Variants in SLC4A4 observed in about 807,000 individuals in gnomAD.
The protein encoded by SLC4A4 is electrogenic sodium bicarbonate cotransporter 1.
Under a neutral mutation model 111.5 loss-of-function variants are expected in SLC4A4, and 27 were observed. That is an observed-to-expected ratio of 0.24 (90% CI 0.18 to 0.33). SLC4A4 has a LOEUF of 0.33. Among genes scored for constraint, SLC4A4 ranks in the 10% least tolerant of loss-of-function variants. The pLI is 1.00. For synonymous variants in SLC4A4, 443 were observed against 463.4 expected (o/e 0.96, Z 0.57); for missense variants, 909 against 1,315.5 (o/e 0.69, Z 4.78).
chr4:71,434,845 C>G (rs1464997327), intron 7 of SLC4A4, among the ~76,000 whole-genome samples: 1 of 151,896 alleles, frequency 6.6e-6, no homozygotes, highest in Admixed American at 6.6e-5. Context: ...ATAAAATACC[C>G]AGGAATACAT....
intron 6 of SLC4A4, among the ~76,000 whole-genome samples, chr4:71,375,004 A>G (rs1732221848): frequency 6.6e-6 from 1 of 152,196 alleles, no homozygotes; most frequent in South Asian, 2.1e-4. Flanking sequence ...TTATACCTCC[A>G]GTATACCACT....
intron 2 of SLC4A4, among the ~76,000 whole-genome samples, chr4:71,175,349 C>T (rs927704737): frequency 7.9e-5 from 12 of 152,164 alleles, no homozygotes; most frequent in South Asian, 2.1e-4. Context: ...GTGGGTGCAG[C>T]GCACCAAGCG....
chr4:71,065,879 T>C (rs1440505210), intron 1 of SLC4A4, among the ~76,000 whole-genome samples: 1 of 152,186 alleles, frequency 6.6e-6, no homozygotes, highest in Non-Finnish European at 1.5e-5. Flanking sequence ...CTGTGGTTTT[T>C]AATATATCTA....
At chr4:71,283,178 G>T (rs76542803) in intron 3 of SLC4A4, among the ~76,000 whole-genome samples, 5 of 152,212 alleles carry the variant, frequency 3.3e-5, no homozygotes, top group South Asian at 2.1e-4. Context: ...TTATATTTTG[G>T]AACATCATTG....
chr4:71,223,509 A>G (rs1246590356), intron 1 of SLC4A4, among the ~76,000 whole-genome samples: 2 of 152,130 alleles, frequency 1.3e-5, no homozygotes, highest in African/African-American at 4.8e-5. Flanking sequence ...GTGCTCAATC[A>G]GGGTTGAGTG....
At chr4:71,418,707 A>G (rs1469860918) in intron 7 of SLC4A4, among the ~76,000 whole-genome samples, 1 of 152,242 alleles carries the variant, frequency 6.6e-6, no homozygotes, top group Non-Finnish European at 1.5e-5. Flanking sequence ...GTTTTCTTTT[A>G]TGACACCAAA....
intron 3 of SLC4A4, among the ~76,000 whole-genome samples, chr4:71,331,020 AC>A (rs1303043799): frequency 2.0e-5 from 3 of 152,168 alleles, no homozygotes; most frequent in Non-Finnish European, 2.9e-5. Flanking sequence ...GCAAATCAAA[AC>A]CACAATGAGA....
At chr4:71,181,785 C>T (rs1294687466) in intron 2 of SLC4A4, among the ~76,000 whole-genome samples, 2 of 152,180 alleles carry the variant, frequency 1.3e-5, no homozygotes, top group Non-Finnish European at 2.9e-5. Context: ...ACATTCCTAT[C>T]TCAGAAAGAC....
At chr4:71,434,500 C>T (rs922712742) in intron 7 of SLC4A4, 2 of 174,292 alleles carry the variant, frequency 1.1e-5, no homozygotes, top group African/African-American at 4.8e-5. Flanking sequence ...TTTATAAGAT[C>T]TGTAGTACTA....
At chr4:71,120,839 C>G (rs1743392343) in intron 2 of SLC4A4, among the ~76,000 whole-genome samples, 1 of 152,234 alleles carries the variant, frequency 6.6e-6, no homozygotes, top group Non-Finnish European at 1.5e-5. Context: ...ACTTGAGGAG[C>G]CCTTCAGCCC....
intron 7 of SLC4A4, among the ~76,000 whole-genome samples, chr4:71,418,003 AC>A (rs1383211206): frequency 6.6e-6 from 1 of 152,190 alleles, no homozygotes; most frequent in Non-Finnish European, 1.5e-5. Context: ...AATTCCAGTA[AC>A]ATAGTACATA....
chr4:71,461,377 G>A (rs1485422703), intron 12 of SLC4A4, among the ~76,000 whole-genome samples: 1 of 151,926 alleles, frequency 6.6e-6, no homozygotes, highest in Non-Finnish European at 1.5e-5. Flanking sequence ...TTGTCACTCA[G>A]CCTCCCTAAA....
chr4:71,548,061 T>C (rs559803738), intron 20 of SLC4A4, among the ~76,000 whole-genome samples: 2 of 151,950 alleles, frequency 1.3e-5, no homozygotes, highest in Non-Finnish European at 2.9e-5. Flanking sequence ...ATTCTCCTTG[T>C]CTTTTATACA....
intron 2 of SLC4A4, among the ~76,000 whole-genome samples, chr4:71,171,127 T>C (rs963770043): frequency 6.6e-6 from 1 of 151,950 alleles, no homozygotes; most frequent in East Asian, 1.9e-4. Flanking sequence ...GAAGAATTAC[T>C]GAAGAACTAC....
At chr4:71,301,171 C>G in intron 3 of SLC4A4, 1 of 310,682 alleles carries the variant, frequency 3.2e-6, no homozygotes, top group Non-Finnish European at 6.4e-6. Context: ...GGAGCAGCAT[C>G]AAGGTCCATT....
chr4:71,530,000 G>A (rs1733772406), intron 16 of SLC4A4, among the ~76,000 whole-genome samples: 1 of 152,094 alleles, frequency 6.6e-6, no homozygotes, highest in Admixed American at 6.6e-5. Flanking sequence ...TGAACTGCCA[G>A]TGTCAACACT....
intron 6 of SLC4A4, among the ~76,000 whole-genome samples, chr4:71,382,421 T>G (rs1718239860): frequency 1.3e-5 from 2 of 152,160 alleles, no homozygotes; most frequent in Non-Finnish European, 2.9e-5. Context: ...ATTTCTAAGG[T>G]GACTAATAGA....
chr4:71,336,070 A>C (rs1728414141), intron 3 of SLC4A4, among the ~76,000 whole-genome samples: 1 of 152,220 alleles, frequency 6.6e-6, no homozygotes, highest in Non-Finnish European at 1.5e-5. Context: ...GCTGAAGATA[A>C]AGCCTGTTAA....
At chr4:71,069,818 A>T (rs1741620149) in intron 1 of SLC4A4, among the ~76,000 whole-genome samples, 1 of 152,218 alleles carries the variant, frequency 6.6e-6, no homozygotes, top group Non-Finnish European at 1.5e-5. Flanking sequence ...TTCCCACACA[A>T]TGATTTGTTT....
Sources: gnomAD v4.1 joint callset for allele counts (sites outside exome capture counted in the v4.1 genomes callset) on GRCh38, gnomAD v4.1.1 for gene constraint, MANE v1.5 for transcripts, NCBI Gene and HGNC (gene_info 2026-07-23, HGNC 2026-07-21) for gene names.